Variants in PPM1L observed in about 807,000 individuals in gnomAD.
The protein encoded by PPM1L is protein phosphatase 1L.
Under a neutral mutation model 31.4 loss-of-function variants are expected in PPM1L, and 13 were observed. That is an observed-to-expected ratio of 0.41 (90% CI 0.27 to 0.66). PPM1L has a LOEUF of 0.66. Among genes scored for constraint, PPM1L ranks in the 30% least tolerant of loss-of-function variants. The pLI is 0.29. For missense variants in PPM1L, 326 were observed against 453.7 expected (o/e 0.72, Z 2.56); for synonymous variants, 184 against 175.4 (o/e 1.05, Z -0.39).
chr3:161,068,378 T>C (rs1719804092), intron 3 of PPM1L, among the ~76,000 whole-genome samples: 1 of 152,168 alleles, frequency 6.6e-6, no homozygotes, highest in African/African-American at 2.4e-5. Flanking sequence ...CAGAGCTGTT[T>C]TGAGACCTAT....
intron 1 of PPM1L, among the ~76,000 whole-genome samples, chr3:160,780,639 A>G (rs1207891139): frequency 6.6e-6 from 1 of 152,154 alleles, no homozygotes; most frequent in African/African-American, 2.4e-5. Flanking sequence ...AATAGCATGG[A>G]GTTTGATTCC....
At chr3:160,886,105 C>G (rs949978689) in intron 1 of PPM1L, among the ~76,000 whole-genome samples, 3 of 152,252 alleles carry the variant, frequency 2.0e-5, no homozygotes, top group Non-Finnish European at 4.4e-5. Context: ...GCCAGAAAGC[C>G]TCTTCAGGCC....
At chr3:161,005,395 C>T (rs922359685) in intron 2 of PPM1L, among the ~76,000 whole-genome samples, 2 of 152,122 alleles carry the variant, frequency 1.3e-5, no homozygotes, top group South Asian at 2.1e-4. Context: ...ATGCAATTAA[C>T]TATGATCTCA....
intron 1 of PPM1L, among the ~76,000 whole-genome samples, chr3:160,814,374 C>T (rs111894366): frequency 0.092 from 13,933 of 151,962 alleles, 979 homozygotes; most frequent in African/African-American, 0.19. Context: ...AAAAGACACT[C>T]GCACATGCAT....
intron 1 of PPM1L, among the ~76,000 whole-genome samples, chr3:160,766,660 G>A (rs538648033): frequency 7.3e-5 from 11 of 150,222 alleles, no homozygotes; most frequent in East Asian, 5.9e-4. Flanking sequence ...TCATAGCAGC[G>A]TTAAAATGGA....
intron 1 of PPM1L, among the ~76,000 whole-genome samples, chr3:160,919,094 T>C (rs1468445143): frequency 6.6e-6 from 1 of 152,230 alleles, no homozygotes; most frequent in Non-Finnish European, 1.5e-5. Context: ...AAATCCTTTT[T>C]ATATGAATGA....
chr3:160,814,401 T>C lies in PPM1L; in HGVS notation c.399+57694T>C, dbSNP rs372291128. Among the ~76,000 whole-genome samples, 57 of 152,000 alleles carry C rather than the reference T, an allele frequency of 3.8e-4. 1 individual carries two copies. In the East Asian group the frequency reaches 0.011, roughly 28 times the overall value. On this transcript the variant is annotated intron_variant, in intron 1 of 3. Coordinates refer to ENST00000498165, the MANE Select transcript of PPM1L (RefSeq NM_139245.4). ...CACATGCATGTTTATGGCAGCACAA[T>C]TCACAATTGCAAAAATATGGAACCA... is the stretch of plus-strand genomic sequence containing the variant.
chr3:160,889,645 A>G (rs1489527803), intron 1 of PPM1L, among the ~76,000 whole-genome samples: 2 of 152,196 alleles, frequency 1.3e-5, no homozygotes, highest in African/African-American at 4.8e-5. Context: ...TCCCTAACTC[A>G]TTTTGTGAAG....
chr3:160,878,200 A>G (rs889391500), intron 1 of PPM1L, among the ~76,000 whole-genome samples: 3 of 152,218 alleles, frequency 2.0e-5, no homozygotes, highest in Admixed American at 6.5e-5. Context: ...GCACTGGCAT[A>G]TGCAAACAAA....
At chr3:160,814,243 G>A (rs1474382618) in intron 1 of PPM1L, among the ~76,000 whole-genome samples, 1 of 152,094 alleles carries the variant, frequency 6.6e-6, no homozygotes, top group Non-Finnish European at 1.5e-5. Flanking sequence ...GTCCTGATGG[G>A]ATCTGAACAG....
intron 1 of PPM1L, among the ~76,000 whole-genome samples, chr3:160,826,635 G>A (rs1713363417): frequency 6.6e-6 from 1 of 152,134 alleles, no homozygotes; most frequent in African/African-American, 2.4e-5. Context: ...GGAGTAGGGA[G>A]TGAAACAAAT....
chr3:160,761,436 T>C (rs964977476), intron 1 of PPM1L, among the ~76,000 whole-genome samples: 1 of 152,234 alleles, frequency 6.6e-6, no homozygotes, highest in Admixed American at 6.5e-5. Flanking sequence ...TATAGTGTCA[T>C]TTTAATGAGG....
At chr3:160,816,459 T>A (rs1712997584) in intron 1 of PPM1L, among the ~76,000 whole-genome samples, 1 of 147,568 alleles carries the variant, frequency 6.8e-6, no homozygotes, top group African/African-American at 2.6e-5. Flanking sequence ...AAATGTGAGA[T>A]TTAAGAAAGA....
At chr3:160,823,199 T>C (rs1349346798) in intron 1 of PPM1L, among the ~76,000 whole-genome samples, 1 of 152,078 alleles carries the variant, frequency 6.6e-6, no homozygotes, top group South Asian at 2.1e-4. Flanking sequence ...TATAGGAAAC[T>C]GGTTAATGTT....
intron 2 of PPM1L, among the ~76,000 whole-genome samples, chr3:160,977,827 T>C (rs1559911273): frequency 6.6e-6 from 1 of 152,210 alleles, no homozygotes; most frequent in Non-Finnish European, 1.5e-5. Flanking sequence ...AGAAACCTAA[T>C]GACTTATAAA....
intron 2 of PPM1L, among the ~76,000 whole-genome samples, chr3:161,062,806 C>T (rs1719612995): frequency 6.6e-6 from 1 of 152,124 alleles, no homozygotes; most frequent in Non-Finnish European, 1.5e-5. Flanking sequence ...AGCTGGATTC[C>T]TCCCCTTCCC....
intron 2 of PPM1L, among the ~76,000 whole-genome samples, chr3:161,045,070 A>G (rs1403714265): frequency 1.3e-5 from 2 of 152,250 alleles, no homozygotes; most frequent in African/African-American, 2.4e-5. Context: ...AGGAAGAGCT[A>G]AATATCCTAA....
chr3:160,904,597 T>C (rs954834863), intron 1 of PPM1L, among the ~76,000 whole-genome samples: 1 of 152,106 alleles, frequency 6.6e-6, no homozygotes, highest in Non-Finnish European at 1.5e-5. Flanking sequence ...GTGGGCCAAA[T>C]TCTTATTGAC....
At chr3:160,907,149 A>G (rs892905854) in intron 1 of PPM1L, among the ~76,000 whole-genome samples, 5 of 152,236 alleles carry the variant, frequency 3.3e-5, no homozygotes, top group Non-Finnish European at 7.3e-5. Context: ...CTTTAAAGCA[A>G]CAAAAGCAGA....
Sources: gnomAD v4.1 joint callset for allele counts (sites outside exome capture counted in the v4.1 genomes callset) on GRCh38, gnomAD v4.1.1 for gene constraint, MANE v1.5 for transcripts, NCBI Gene and HGNC (gene_info 2026-07-23, HGNC 2026-07-21) for gene names.